The following CCSER2 variants were observed in gnomAD, a reference collection of about 807,000 sequenced individuals.
CCSER2 encodes serine-rich coiled-coil domain-containing protein 2.
CCSER2 carries 46 observed loss-of-function variants against 92.3 expected under a neutral mutation model. The ratio of observed to expected loss-of-function variants is 0.50; its 90% confidence interval spans 0.39 to 0.64. The LOEUF (loss-of-function observed/expected upper bound fraction) is 0.64, where lower values mean the gene tolerates loss of function less well. CCSER2 is among the 30% of genes least tolerant of loss of function. The pLI, the probability that CCSER2 is intolerant of heterozygous loss-of-function variation, is 0.00. For synonymous variants in CCSER2, 433 were observed against 431.4 expected (o/e 1.00, Z -0.04); for missense variants, 1,244 against 1,238.9 (o/e 1.00, Z -0.06).
At chr10:84,342,328 C>G (rs933452360) in intron 1 of CCSER2, among the ~76,000 whole-genome samples, 6 of 152,232 alleles carry the variant, frequency 3.9e-5, no homozygotes, top group Non-Finnish European at 8.8e-5. Context: ...AAGAATATCT[C>G]TGTCACATAT....
At chr10:84,448,354 A>C (rs553453068) in intron 6 of CCSER2, among the ~76,000 whole-genome samples, 1 of 152,070 alleles carries the variant, frequency 6.6e-6, no homozygotes, top group East Asian at 1.9e-4. Flanking sequence ...GTTTGACTCT[A>C]ATATCAAGCT....
intron 5 of CCSER2, among the ~76,000 whole-genome samples, chr10:84,433,749 A>G (rs1843929009): frequency 6.6e-6 from 1 of 152,178 alleles, no homozygotes; most frequent in South Asian, 2.1e-4. Flanking sequence ...TATCTCTTCA[A>G]GATTCTTTTC....
intron 9 of CCSER2, among the ~76,000 whole-genome samples, chr10:84,491,840 G>T (rs186713186): frequency 6.6e-6 from 1 of 152,198 alleles, no homozygotes; most frequent in Non-Finnish European, 1.5e-5. Flanking sequence ...CTCACGCTGG[G>T]AGCTGTAGAC....
In CCSER2 at chr10:84,401,453, A is replaced by G. The variant is rs192456210; in HGVS notation, c.1615-16318A>G. 9.1e-4 allele frequency among the ~76,000 whole-genome samples: 138 copies of G among 152,286 alleles called. 1 individual carries two copies. The highest frequency in any genetic ancestry group is 3.1e-3 in the African/African-American group (129 of 41,566). On this transcript the variant is annotated intron_variant, in intron 3 of 9. Coordinates refer to ENST00000372088, the MANE Select transcript of CCSER2 (RefSeq NM_001284240.2). The stretch of plus-strand genomic sequence containing the variant: ...AAATTTTTACTACTTGAGTGGACCA[A>G]TTCCTTAAAAGCACAAACTACTAAA...
In CCSER2 at chr10:84,463,965, A is replaced by G. The variant is rs376649923; in HGVS notation, c.2097A>G (p.Gln699=). 11 of 1,611,618 alleles carry G rather than the reference A, an allele frequency of 6.8e-6. No individual in the cohort carries two copies. Among genetic ancestry groups the G allele is most frequent in the Admixed American group, 3.3e-5 (2 of 59,970 alleles). The change falls in exon 7 of 10, where the codon CAA becomes CAG. Residue 699 remains glutamine, a synonymous_variant. Transcript: ENST00000372088. ...HDGSGSLHDI[Q]LSLPSSPEPE... ...GAAGTGGTTCATTGCATGATATTCA[A>G]CTGTCATTGCCATCCAGTCCAGAAC...
chr10:84,342,538 A>G (rs570402834), intron 1 of CCSER2, among the ~76,000 whole-genome samples: 1 of 152,178 alleles, frequency 6.6e-6, no homozygotes, highest in South Asian at 2.1e-4. Flanking sequence ...AAAATGTTAC[A>G]TGCCTTTCCT....
chr10:84,352,068 A>T (rs1209972384), intron 1 of CCSER2, among the ~76,000 whole-genome samples: 1 of 152,134 alleles, frequency 6.6e-6, no homozygotes, highest in African/African-American at 2.4e-5. Flanking sequence ...TGGGAGGCCG[A>T]GGCAGGCGGA....
At chr10:84,437,344 C>A (rs1335356055) in intron 5 of CCSER2, among the ~76,000 whole-genome samples, 2 of 152,084 alleles carry the variant, frequency 1.3e-5, no homozygotes, top group Admixed American at 6.5e-5. Flanking sequence ...CATGGTGAAA[C>A]CCCCTCTCTA....
At chr10:84,364,432 A>G (rs1589449168) in intron 1 of CCSER2, among the ~76,000 whole-genome samples, 1 of 152,134 alleles carries the variant, frequency 6.6e-6, no homozygotes. Context: ...GGCAGTTTTC[A>G]TTGGCCCTGG....
intron 6 of CCSER2, among the ~76,000 whole-genome samples, chr10:84,453,873 C>T (rs1341980394): frequency 1.3e-5 from 2 of 152,118 alleles, no homozygotes; most frequent in African/African-American, 4.8e-5. Flanking sequence ...TAATGGTACC[C>T]TGCTTCTCGT....
At chr10:84,330,313 G>A (rs1374792181) in intron 1 of CCSER2, among the ~76,000 whole-genome samples, 1 of 152,150 alleles carries the variant, frequency 6.6e-6, no homozygotes, top group Non-Finnish European at 1.5e-5. Context: ...ATCTTCCTCT[G>A]TGGTTTTTCA....
intron 1 of CCSER2, among the ~76,000 whole-genome samples, chr10:84,332,749 C>A (rs1843651189): frequency 6.6e-6 from 1 of 151,848 alleles, no homozygotes; most frequent in African/African-American, 2.4e-5. Context: ...CCTAGGAGTT[C>A]AAGACCAGCC....
At chr10:84,432,912 A>C (rs747575192) in intron 5 of CCSER2, among the ~76,000 whole-genome samples, 1 of 152,200 alleles carries the variant, frequency 6.6e-6, no homozygotes, top group Non-Finnish European at 1.5e-5. Flanking sequence ...ATTTAAAGTC[A>C]TTCTTTTTGT....
chr10:84,486,679 C>T (rs1413638591), intron 9 of CCSER2, among the ~76,000 whole-genome samples: 1 of 152,146 alleles, frequency 6.6e-6, no homozygotes, highest in African/African-American at 2.4e-5. Context: ...AAAATTTTCT[C>T]CCCTTCTGTA....
intron 4 of CCSER2, among the ~76,000 whole-genome samples, chr10:84,421,090 C>T (rs1284630986): frequency 1.3e-5 from 2 of 152,090 alleles, no homozygotes; most frequent in Non-Finnish European, 2.9e-5. Flanking sequence ...TTATGAATGA[C>T]AATTGTCAGA....
intron 3 of CCSER2, among the ~76,000 whole-genome samples, chr10:84,387,314 T>C (rs1841269603): frequency 6.6e-6 from 1 of 152,174 alleles, no homozygotes; most frequent in Admixed American, 6.5e-5. Flanking sequence ...GCCTTTCTCC[T>C]TCCTGTTGTA....
intron 1 of CCSER2, among the ~76,000 whole-genome samples, chr10:84,333,392 T>C (rs1053915805): frequency 6.6e-6 from 1 of 152,214 alleles, no homozygotes; most frequent in African/African-American, 2.4e-5. Flanking sequence ...TCTTTTAGTA[T>C]CCTCATTTTG....
At chr10:84,425,065 G>A (rs1843356786) in intron 4 of CCSER2, 1 of 963,688 alleles carries the variant, frequency 1.0e-6, no homozygotes, top group Non-Finnish European at 1.2e-6. Context: ...GAAGAAGCTT[G>A]GGGTGTTTCA....
At chr10:84,488,640 A>G (rs146967610) in intron 9 of CCSER2, among the ~76,000 whole-genome samples, 2,915 of 151,894 alleles carry the variant, frequency 0.019, 90 homozygotes, top group Admixed American at 0.073. Flanking sequence ...TTTCTTCTTT[A>G]TTAGTCTTGC....
Sources: gnomAD v4.1 joint callset for allele counts (sites outside exome capture counted in the v4.1 genomes callset) on GRCh38, gnomAD v4.1.1 for gene constraint, MANE v1.5 for transcripts, NCBI Gene and HGNC (gene_info 2026-07-23, HGNC 2026-07-21) for gene names.